Variants in TBCA observed in about 807,000 individuals in gnomAD.
TBCA encodes the protein tubulin-specific chaperone A.
A neutral mutation model predicts 15.8 loss-of-function variants in TBCA; 6 were observed. That is an observed-to-expected ratio of 0.38 (90% CI 0.21 to 0.75). The LOEUF (loss-of-function observed/expected upper bound fraction) is 0.75, where lower values mean the gene tolerates loss of function less well. TBCA is among the 30% of genes least tolerant of loss of function. The probability of loss-of-function intolerance (pLI) is 0.46; values close to 1 mark genes in which losing one functional copy is unlikely to be tolerated. For synonymous variants in TBCA, 32 were observed against 42.3 expected, an observed-to-expected ratio of 0.76 and a Z score of 0.94; for missense variants, 90 against 131.2, an observed-to-expected ratio of 0.69 and a Z score of 1.53.
intron 1 of TBCA, among the ~76,000 whole-genome samples, chr5:77,735,007 T>C (rs1163904614): frequency 1.3e-5 from 2 of 152,248 alleles, no homozygotes; most frequent in Non-Finnish European, 2.9e-5. Context: ...TGTACATTTT[T>C]TAGATGCAAT....
At chr5:77,729,771 T>C (rs1183382194) in intron 1 of TBCA, among the ~76,000 whole-genome samples, 1 of 152,206 alleles carries the variant, frequency 6.6e-6, no homozygotes, top group African/African-American at 2.4e-5. Flanking sequence ...CCTTATTCTG[T>C]CATTCCACTA....
intron 1 of TBCA, among the ~76,000 whole-genome samples, chr5:77,729,481 C>T (rs894084845): frequency 2.6e-5 from 4 of 152,186 alleles, no homozygotes; most frequent in African/African-American, 9.7e-5. Context: ...AAATGGAATG[C>T]TTCATAACTA....
rs1268352646 is a variant in TBCA, at chr5:77,700,546, A to T, written c.160-7194T>A. 2.6e-5 allele frequency among the ~76,000 whole-genome samples: 4 copies of T among 152,334 alleles called. No homozygotes were observed. The East Asian group carries it at 5.8e-4, about 22-fold the overall frequency. On this transcript the variant is annotated intron_variant, in intron 2 of 3. Transcript: ENST00000380377. ...ATCATATAGCTGATGGCTAAATGCT[A>T]AAATTAAAAAATAGAGATCACACTG...
At chr5:77,768,909 C>T (rs1195895447) in intron 1 of TBCA, among the ~76,000 whole-genome samples, 2 of 152,186 alleles carry the variant, frequency 1.3e-5, no homozygotes, top group African/African-American at 4.8e-5. Flanking sequence ...ACCTTGCTTA[C>T]TACAGATTTT....
intron 1 of TBCA, among the ~76,000 whole-genome samples, chr5:77,754,885 A>G (rs1254865993): frequency 6.6e-6 from 1 of 152,244 alleles, no homozygotes; most frequent in Admixed American, 6.5e-5. Context: ...ACATTATTAA[A>G]TATTTTACTT....
At chr5:77,775,816 G>A (rs1021323535) in intron 1 of TBCA, among the ~76,000 whole-genome samples, 3 of 152,180 alleles carry the variant, frequency 2.0e-5, no homozygotes, top group Non-Finnish European at 2.9e-5. Context: ...AGCACAGCTG[G>A]GATCCCGCTT....
intron 1 of TBCA, among the ~76,000 whole-genome samples, chr5:77,711,955 T>C (rs1209279943): frequency 6.6e-6 from 1 of 151,666 alleles, no homozygotes; most frequent in Non-Finnish European, 1.5e-5. Context: ...TTGAATAGCA[T>C]GTGTTGCCCT....
chr5:77,732,765 C>A (rs1285344926), intron 1 of TBCA, among the ~76,000 whole-genome samples: 1 of 151,990 alleles, frequency 6.6e-6, no homozygotes, highest in East Asian at 1.9e-4. Context: ...AATTGTTTTA[C>A]GGTCCCACAA....
chr5:77,727,041 A>G (rs952215437), intron 1 of TBCA, among the ~76,000 whole-genome samples: 10 of 152,054 alleles, frequency 6.6e-5, no homozygotes, highest in Non-Finnish European at 1.5e-4. Flanking sequence ...CTAACAATGT[A>G]TCCCTCTTGA....
intron 3 of TBCA, 192 bp from the exon 4 acceptor site, chr5:77,691,690 A>T: frequency 7.5e-7 from 1 of 1,333,318 alleles, no homozygotes; most frequent in South Asian, 2.0e-5. Flanking sequence ...GAAAGGAAGA[A>T]ATAACTGGTG....
intron 1 of TBCA, among the ~76,000 whole-genome samples, chr5:77,721,995 T>C (rs1357156192): frequency 1.3e-5 from 2 of 152,024 alleles, no homozygotes; most frequent in Non-Finnish European, 2.9e-5. Context: ...AATCTCTAAC[T>C]TTATCTCACA....
intron 2 of TBCA, among the ~76,000 whole-genome samples, chr5:77,706,802 C>A (rs1746159864): frequency 1.6e-5 from 2 of 122,848 alleles, no homozygotes; most frequent in South Asian, 5.9e-4. Context: ...CACAGCAAGA[C>A]TCCATCTTAA....
At chr5:77,758,789 G>A (rs559469960) in intron 1 of TBCA, among the ~76,000 whole-genome samples, 10 of 152,292 alleles carry the variant, frequency 6.6e-5, no homozygotes, top group African/African-American at 2.2e-4. Context: ...AATGCCCCCA[G>A]GTCATTCTCT....
intron 1 of TBCA, among the ~76,000 whole-genome samples, chr5:77,727,426 G>A (rs528639878): frequency 5.3e-5 from 8 of 152,028 alleles, no homozygotes; most frequent in Non-Finnish European, 1.2e-4. Flanking sequence ...AGATAGTAAC[G>A]TTCCATGTTC....
chr5:77,712,654 T>A (rs1294690032), intron 1 of TBCA, among the ~76,000 whole-genome samples: 3 of 152,098 alleles, frequency 2.0e-5, no homozygotes, highest in African/African-American at 7.2e-5. Context: ...AAAGAAGTTT[T>A]AAAAAAAGAA....
chr5:77,736,017 G>T (rs190538069), intron 1 of TBCA, among the ~76,000 whole-genome samples: 72 of 152,238 alleles, frequency 4.7e-4, no homozygotes, highest in Non-Finnish European at 6.3e-4. Context: ...GTCTATCAGA[G>T]ATCAAGTTGG....
intron 2 of TBCA, among the ~76,000 whole-genome samples, chr5:77,706,830 A>ATT (rs1746162257): frequency 1.5e-5 from 2 of 135,004 alleles, no homozygotes; most frequent in African/African-American, 5.5e-5. Flanking sequence ...AAAAAAAAAG[A>ATT]AAGAAAGAAA....
chr5:77,758,957 C>G (rs1253208974), intron 1 of TBCA, among the ~76,000 whole-genome samples: 2 of 152,194 alleles, frequency 1.3e-5, no homozygotes, highest in Non-Finnish European at 2.9e-5. Context: ...CGGGGACCAT[C>G]AGGAAACTGC....
At chr5:77,755,648 G>A (rs1747456793) in intron 1 of TBCA, among the ~76,000 whole-genome samples, 1 of 152,080 alleles carries the variant, frequency 6.6e-6, no homozygotes. Context: ...TAACTAGCTG[G>A]AGTATTAGAA....
Sources: gnomAD v4.1 joint callset for allele counts (sites outside exome capture counted in the v4.1 genomes callset) on GRCh38, gnomAD v4.1.1 for gene constraint, MANE v1.5 for transcripts, NCBI Gene and HGNC (gene_info 2026-07-23, HGNC 2026-07-21) for gene names.